Variants in SCAF1 observed in about 807,000 individuals in gnomAD.
The protein encoded by SCAF1 is SR-related CTD associated factor 1, also known as splicing factor, arginine/serine-rich 19.
Under a neutral mutation model 91.2 loss-of-function variants are expected in SCAF1, and 28 were observed. The observed-to-expected ratio is 0.31, with a 90% confidence interval of 0.23 to 0.42. The LOEUF (loss-of-function observed/expected upper bound fraction) is 0.42. SCAF1 is among the 10% of genes least tolerant of loss of function. The pLI, the probability that SCAF1 is intolerant of heterozygous loss-of-function variation, is 1.00. For synonymous variants in SCAF1, 1,036 were observed against 833.7 expected (o/e 1.24, Z -4.18); for missense variants, 1,893 against 1,872.1 (o/e 1.01, Z -0.21).
At position 49,652,126 on chromosome 19, in the gene SCAF1, C is replaced by T. The variant is rs1429743727; in HGVS notation, c.1737C>T (p.Arg579=). The T allele has an allele frequency of 3.5e-6, 4 of 1,127,748 alleles. No homozygotes were observed. The South Asian group carries it at 8.6e-5, about 24-fold the overall frequency. The allele number at this position is 1,127,748 out of a possible 1,614,324, so 69.9% of individuals were successfully genotyped here. Residue 579 remains arginine, a synonymous_variant, in exon 7 of 11, where the codon CGC becomes CGT. Transcript: ENST00000360565. ...GCCGCCGCTCCCGCTCCCGCTCCCG[C>T]TCCCGCTCCACCCGCCGCCGCTCGC... ...SARRRSRSRS[R]SRSTRRRSRS...
rs761471149 is a variant in SCAF1, at chr19:49,652,979, G to A, written c.2590G>A (p.Val864Ile). The stretch of plus-strand genomic sequence containing the variant: ...GTCAGCCGGCCTGGGCTCCATTGGC[G>A]TCAAATTCAGCCGTGACCGCGAGAG... ...AASAGLGSIG[V>I]KFSRDRESRS... is the part of the protein sequence containing the mutation. Residue 864 changes from valine to isoleucine, a missense_variant, in exon 7 of 11, where the codon GTC becomes ATC. Physicochemically the swap from Val to Ile is conservative, Grantham distance 29 (BLOSUM62 3). Around this residue, in one of 5 missense-constraint regions of SCAF1, gnomAD observed 1,436 missense variants for 1,306.8 expected, o/e 1.10. Transcript: ENST00000360565. 75 of 1,613,758 alleles carry A rather than the reference G, an allele frequency of 4.6e-5. No homozygotes were observed. The highest frequency in any genetic ancestry group is 6.7e-5 in the Admixed American group (4 of 59,990).
chr19:49,646,268 A>T lies in SCAF1; in HGVS notation c.261+66A>T. 9.7e-7 allele frequency: 1 copy of T among 1,026,508 alleles called. No homozygotes were observed. Among genetic ancestry groups the T allele is most frequent in the Non-Finnish European group, 1.4e-6 (1 of 722,414 alleles). The allele number at this position is 1,026,508 out of a possible 1,614,324, so 63.6% of individuals were successfully genotyped here. On this transcript the variant is annotated intron_variant, in intron 4 of 10. Coordinates refer to ENST00000360565, the MANE Select transcript of SCAF1 (RefSeq NM_021228.3). This position sits in a 1 kb window ranked among gnomAD's most constrained non-coding sequence, Gnocchi z 5.6. ...TCAGGGAGGAAGGGATGGGGGCCTGAGTCTGGGGGAATGGGGTTTGGGGAC... is the reference window on the plus strand; with the variant it reads ...TCAGGGAGGAAGGGATGGGGGCCTGTGTCTGGGGGAATGGGGTTTGGGGAC...
chr19:49,654,450 G>A lies in SCAF1; in HGVS notation c.3399+19G>A, dbSNP rs1256687960. 3.1e-6 allele frequency: 5 copies of A among 1,608,522 alleles called. No individual in the cohort carries two copies. The highest frequency in any genetic ancestry group is 4.3e-6 in the Non-Finnish European group (5 of 1,176,060). The stretch of plus-strand genomic sequence containing the variant: ...CAACCAGGTGGGCTCCCCTGGGGGA[G>A]AGTCCCTGCCGCCCCTTCTTTTGTC... On this transcript the variant is annotated intron_variant, in intron 8 of 10. Transcript: ENST00000360565.
At position 49,645,637 on chromosome 19, in the gene SCAF1, A is replaced by G. The variant is rs2081050520; in HGVS notation, c.166+226A>G. On this transcript the variant is annotated intron_variant, in intron 3 of 10. Coordinates refer to ENST00000360565, the MANE Select transcript of SCAF1 (RefSeq NM_021228.3). The surrounding 1 kb of genome is among the most constrained non-coding windows in gnomAD (Gnocchi z 4.6). ...GGGCAGGAGGCCCACTTGAGCTAGC[A>G]TGGTGGGAGACGGGTCAGGGCACCT... 6.6e-6 allele frequency among the ~76,000 whole-genome samples: 1 copy of G among 152,146 alleles called. No homozygotes were observed. Among genetic ancestry groups the G allele is most frequent in the Non-Finnish European group, 1.5e-5 (1 of 68,016 alleles).
Position 49,654,802 on chromosome 19 carries a change from G to A in SCAF1, c.3550G>A (p.Gly1184Arg), listed in dbSNP as rs777258589. ...CGGTTCGACCCCCCCCACCCCCACC[G>A]GGCTGGCTGCCACGTCTGACAAGAG... ...GCGSTPPTPT[G>R]LAATSDKREG... The change falls in exon 9 of 11, where the codon GGG (glycine) becomes AGG (arginine). Residue 1184 changes from glycine to arginine, a missense_variant. Around this residue, in one of 5 missense-constraint regions of SCAF1, gnomAD observed 1,436 missense variants for 1,306.8 expected, o/e 1.10. Coordinates refer to ENST00000360565, the MANE Select transcript of SCAF1 (RefSeq NM_021228.3). 9.9e-6 allele frequency: 16 copies of A among 1,612,470 alleles called. No individual in the cohort carries two copies. The highest frequency in any genetic ancestry group is 1.4e-5 in the Non-Finnish European group (16 of 1,179,386).
Position 49,653,093 on chromosome 19 carries a change from G to T in SCAF1, c.2704G>T (p.Val902Phe). The T allele has an allele frequency of 6.2e-7, 1 of 1,613,162 alleles. No individual in the cohort carries two copies. Among genetic ancestry groups the T allele is most frequent in the Non-Finnish European group, 8.5e-7 (1 of 1,179,578 alleles). Residue 902 changes from valine to phenylalanine, a missense_variant, in exon 7 of 11, where the codon GTC becomes TTC. By Grantham distance (50) the Val-to-Phe change is conservative. This residue lies in a region of SCAF1 where 1,436 missense variants were observed against 1,306.8 expected (regional missense o/e 1.10). Coordinates refer to ENST00000360565, the MANE Select transcript of SCAF1 (RefSeq NM_021228.3). ...CAGCACCAAGCCCAAAAAGACCAAGGTCAAGGCCAAGGCAGGGGCCAAGAA... is the reference window on the plus strand; with the variant it reads ...CAGCACCAAGCCCAAAAAGACCAAGTTCAAGGCCAAGGCAGGGGCCAAGAA... The part of the protein sequence containing the change: ...PGSTKPKKTK[V>F]KAKAGAKKTK...
Position 49,658,549 on chromosome 19 carries a change from G to A in SCAF1, c.*150G>A. On this transcript the variant is annotated 3_prime_UTR_variant, in exon 11 of 11. Coordinates refer to ENST00000360565, the MANE Select transcript of SCAF1 (RefSeq NM_021228.3). ...AGCCCCCTGCCCTGCCCTGCCCCGT[G>A]TCCACCTCCCTTGCCCCCAAGCCTG... is the stretch of plus-strand genomic sequence containing the variant. 1.6e-6 allele frequency: 1 copy of A among 619,194 alleles called. No individual in the cohort carries two copies. Among genetic ancestry groups the A allele is most frequent in the Non-Finnish European group, 2.9e-6 (1 of 350,186 alleles). 38.4% of individuals were successfully genotyped at this position (619,194 alleles called of 1,614,324 possible). A position where few individuals can be genotyped will look rare whatever the true frequency, so the allele number is the denominator to read the frequency against.
chr19:49,653,382 G>T lies in SCAF1; in HGVS notation c.2993G>T (p.Ser998Ile). Residue 998 changes from serine to isoleucine, a missense_variant, in exon 7 of 11, where the codon AGC becomes ATC. Physicochemically the swap from Ser to Ile is moderately radical, Grantham distance 142. Transcript: ENST00000360565. ...CCGGACTCGCAGACCGTGGACAGCA[G>T]CTGCAAGACACCTGAGGTCTCCTTC... ...LTPDSQTVDS[S>I]CKTPEVSFLP... 1.3e-6 allele frequency: 2 copies of T among 1,527,814 alleles called. No homozygotes were observed. The highest frequency in any genetic ancestry group is 1.8e-6 in the Non-Finnish European group (2 of 1,135,056). 94.6% of individuals were successfully genotyped at this position (1,527,814 alleles called of 1,614,324 possible).
At chr19:49,647,798 A>T (rs1165785616) in intron 6 of SCAF1, among the ~76,000 whole-genome samples, 1 of 151,378 alleles carries the variant, frequency 6.6e-6, no homozygotes, top group Non-Finnish European at 1.5e-5. Context: ...ACACCCAGCT[A>T]ATTTTCGTAG....
chr19:49,652,096 C>T lies in SCAF1; in HGVS notation c.1707C>T (p.Ser569=), dbSNP rs3745471. 0.092 allele frequency: 105,313 copies of T among 1,148,752 alleles called. 5,328 individuals carry two copies. The highest frequency in any genetic ancestry group is 0.22 in the African/African-American group (10,502 of 47,922). 71.2% of individuals were successfully genotyped at this position (1,148,752 alleles called of 1,614,324 possible). A position where few individuals can be genotyped will look rare whatever the true frequency, so the allele number is the denominator to read the frequency against. Residue 569 remains serine, a synonymous_variant, in exon 7 of 11, where the codon TCC becomes TCT. Transcript: ENST00000360565. ...DRKPGSHASS[S]ARRRSRSRSR... The stretch of plus-strand genomic sequence containing the variant: ...AGCCCGGCTCCCACGCCTCGTCGTC[C>T]GCCCGCCGCCGCTCCCGCTCCCGCT...
At position 49,653,478 on chromosome 19, in the gene SCAF1, A is replaced by G. The variant is rs1178564589; in HGVS notation, c.3089A>G (p.Glu1030Gly). The G allele has an allele frequency of 1.3e-6, 2 of 1,556,858 alleles. No homozygotes were observed. The highest frequency in any genetic ancestry group is 1.8e-5 in the Admixed American group (1 of 54,122). Residue 1030 changes from glutamate to glycine, a missense_variant, in exon 7 of 11, where the codon GAG (glutamate) becomes GGG (glycine). Physicochemically the swap from Glu to Gly is moderately conservative, Grantham distance 98. Coordinates refer to ENST00000360565, the MANE Select transcript of SCAF1 (RefSeq NM_021228.3). ...GAGGAGGAGGAGGAGGAAGAAGAAG[A>G]GGAGGAGGAAGAGGAAGAGGAGGAG... is the stretch of plus-strand genomic sequence containing the variant. ...GAEEEEEEEE[E>G]EEEEEEEEEQ...
rs2081126197 is a variant in SCAF1 at position 49,654,532 on chromosome 19, G to A, written c.3399+101G>A. On this transcript the variant is annotated intron_variant, in intron 8 of 10. Coordinates refer to ENST00000360565, the MANE Select transcript of SCAF1 (RefSeq NM_021228.3). ...CCTGGCAGCTCTGGGGCAAGGTATC[G>A]GCCTGAAGAGGAGCCTGTTGCCTCA... The A allele has an allele frequency of 1.3e-5, 18 of 1,364,404 alleles. No homozygotes were observed. In the South Asian group the frequency reaches 1.4e-4, roughly 10 times the overall value. The allele number at this position is 1,364,404 out of a possible 1,614,324, so 84.5% of individuals were successfully genotyped here.
At chr19:49,654,911 C>A in intron 9 of SCAF1, 41 bp downstream of exon 9, 1 of 1,445,046 alleles carries the variant, frequency 6.9e-7, no homozygotes, top group Non-Finnish European at 9.3e-7. Context: ...GCTGACAGTT[C>A]TGTAGAGAAT....
In SCAF1 at chr19:49,652,939, G is replaced by C; in HGVS notation, c.2550G>C (p.Pro850=). ...GCGAGGGTGTCAGCAGCACCACCCCGGCCAAGGATGCCGCGTCAGCCGGCC... is the reference window on the plus strand; with the variant it reads ...GCGAGGGTGTCAGCAGCACCACCCCCGCCAAGGATGCCGCGTCAGCCGGCC... ...LIREGVSSTT[P]AKDAASAGLG... is the part of the protein sequence containing the mutation. The change falls in exon 7 of 11, where the codon CCG becomes CCC. Residue 850 remains proline (P), a synonymous_variant. Coordinates refer to ENST00000360565, the MANE Select transcript of SCAF1 (RefSeq NM_021228.3). 2.5e-6 allele frequency: 4 copies of C among 1,613,778 alleles called. No homozygotes were observed. Among genetic ancestry groups the C allele is most frequent in the Middle Eastern group, 1.6e-4 (1 of 6,062 alleles).
At chr19:49,643,296 A>AT (rs1271286308) in intron 1 of SCAF1, among the ~76,000 whole-genome samples, 10 of 152,122 alleles carry the variant, frequency 6.6e-5, no homozygotes, top group Admixed American at 3.3e-4. Flanking sequence ...ATTAAGATAC[A>AT]TTTTTTCATT....
In SCAF1 at chr19:49,658,514, G is replaced by GGGGCTCTCCTCTTCCCT; in HGVS notation, c.*116_*117insGGCTCTCCTCTTCCCTG. The GGGGCTCTCCTCTTCCCT allele has an allele frequency of 1.5e-6, 1 of 665,284 alleles. No individual in the cohort carries two copies. Among genetic ancestry groups the GGGGCTCTCCTCTTCCCT allele is most frequent in the Non-Finnish European group, 2.6e-6 (1 of 391,102 alleles). The allele number at this position is 665,284 out of a possible 1,614,324, so 41.2% of individuals were successfully genotyped here. ...GATGACTGGGGGAGGGTTGCTGCAGGGAAGAGGAGAGCCCCCTGCCCTGCC... is the reference window on the plus strand; with the variant it reads ...GATGACTGGGGGAGGGTTGCTGCAGGGGGCTCTCCTCTTCCCTGAAGAGGAGAGCCCCCTGCCCTGCC... On this transcript the variant is annotated 3_prime_UTR_variant, in exon 11 of 11. Coordinates refer to ENST00000360565, the MANE Select transcript of SCAF1 (RefSeq NM_021228.3).
upstream of SCAF1, among the ~76,000 whole-genome samples, chr19:49,640,899 C>T (rs1190214278): frequency 3.3e-5 from 5 of 152,138 alleles, no homozygotes; most frequent in Non-Finnish European, 5.9e-5. Context: ...AAGCAGAGGG[C>T]CCAGACTCCT....
At chr19:49,657,999 G>C (rs2081154781) in intron 10 of SCAF1, 110 bp downstream of exon 10, 1 of 1,427,522 alleles carries the variant, frequency 7.0e-7, no homozygotes, top group Non-Finnish European at 9.5e-7. Flanking sequence ...AGGTCAGTCT[G>C]GGAGGTGAGG....
Position 49,651,743 on chromosome 19 carries a change from G to C in SCAF1, c.1354G>C (p.Glu452Gln). The change falls in exon 7 of 11, where the codon GAG becomes CAG. Residue 452 changes from glutamate (E) to glutamine (Q), a missense_variant. Physicochemically the swap from Glu to Gln is conservative, Grantham distance 29 (BLOSUM62 2). This residue lies in a region of SCAF1 where 1,436 missense variants were observed against 1,306.8 expected (regional missense o/e 1.10). Transcript: ENST00000360565. ...GGACGACTTCTTGTCCCTGCATGCGGAGTCGGACGGCGAGGGCGCCCTGCA... is the reference window on the plus strand; with the variant it reads ...GGACGACTTCTTGTCCCTGCATGCGCAGTCGGACGGCGAGGGCGCCCTGCA... ...EGDDFLSLHAESDGEGALQVD... is the reference protein window; with the variant it reads ...EGDDFLSLHAQSDGEGALQVD... 1 of 1,347,412 alleles carries C rather than the reference G, an allele frequency of 7.4e-7. No individual in the cohort carries two copies. The highest frequency in any genetic ancestry group is 9.5e-7 in the Non-Finnish European group (1 of 1,057,408). 83.5% of individuals were successfully genotyped at this position (1,347,412 alleles called of 1,614,324 possible). A position where few individuals can be genotyped will look rare whatever the true frequency, so the allele number is the denominator to read the frequency against.
Sources: gnomAD v4.1 joint callset for allele counts (sites outside exome capture counted in the v4.1 genomes callset) on GRCh38, gnomAD v4.1.1 for gene constraint, gnomAD v4.1.1 regional missense constraint, Gnocchi (gnomAD v3.1) non-coding constraint, MANE v1.5 for transcripts, NCBI Gene and HGNC (gene_info 2026-07-23, HGNC 2026-07-21) for gene names.